Variants in NAA30 observed in about 807,000 individuals in gnomAD.
NAA30 encodes N-alpha-acetyltransferase 30, NatC catalytic subunit.
NAA30 carries 5 observed loss-of-function variants against 31.4 expected under a neutral mutation model. That is an observed-to-expected ratio of 0.16 (90% CI 0.08 to 0.33). NAA30 has a LOEUF of 0.33. Ranked by LOEUF, NAA30 falls within the 10% of genes least tolerant of loss-of-function variation. The probability of loss-of-function intolerance (pLI) is 1.00; values close to 1 mark genes in which losing one functional copy is unlikely to be tolerated. For missense variants in NAA30, 428 were observed against 490.8 expected, an observed-to-expected ratio of 0.87 and a Z score of 1.21; for synonymous variants, 222 against 207.1, an observed-to-expected ratio of 1.07 and a Z score of -0.62.
rs958645545 is a variant in NAA30, at chr14:57,410,461, C to T, written c.*945C>T. Reference sequence around the variant, plus strand: ...GTAAGTTGATATGATTTTATTTAATCAAAATTACTGCTACGCTGCGAAGAA... The same window carrying T: ...GTAAGTTGATATGATTTTATTTAATTAAAATTACTGCTACGCTGCGAAGAA... On this transcript the variant is annotated 3_prime_UTR_variant, in exon 5 of 5. Coordinates refer to ENST00000556492, the MANE Select transcript of NAA30 (RefSeq NM_001011713.3). 1.3e-5 allele frequency: 2 copies of T among 152,566 alleles called. No individual in the cohort carries two copies. The highest frequency in any genetic ancestry group is 2.4e-5 in the African/African-American group (1 of 41,434). The allele number at this position is 152,566 out of a possible 1,614,324, so 9.5% of individuals were successfully genotyped here. A position where few individuals can be genotyped will look rare whatever the true frequency, so the allele number is the denominator to read the frequency against.
At chr14:57,390,811 T>C in intron 1 of NAA30, 106 bp downstream of exon 1, 1 of 595,826 alleles carries the variant, frequency 1.7e-6, no homozygotes. Flanking sequence ...AGCGGGGGGG[T>C]GGCGGGGAAT....
intron 4 of NAA30, among the ~76,000 whole-genome samples, chr14:57,406,448 A>G (rs983762777): frequency 1.7e-4 from 26 of 152,314 alleles, no homozygotes; most frequent in African/African-American, 6.0e-4. Context: ...AGTAGTTACT[A>G]TTAAGCTTTA....
In NAA30 at chr14:57,391,265, G is replaced by C; in HGVS notation, c.308G>C (p.Ser103Thr). 6.2e-7 allele frequency: 1 copy of C among 1,612,078 alleles called. No individual in the cohort carries two copies. Residue 103 changes from serine (S) to threonine (T), a missense_variant, in exon 2 of 5, where the codon AGC becomes ACC. This residue lies in a region of NAA30 where 349 missense variants were observed against 310.4 expected (regional missense o/e 1.12). Coordinates refer to ENST00000556492, the MANE Select transcript of NAA30 (RefSeq NM_001011713.3). The surrounding 1 kb of genome is among the most constrained non-coding windows in gnomAD (Gnocchi z 4.1). Reference protein sequence around the residue: ...RHLRAAASLKSKVLSVAEVAA... With the variant: ...RHLRAAASLKTKVLSVAEVAA... ...CTCCGGGCGGCCGCCTCCCTCAAGA[G>C]CAAGGTCCTGAGCGTAGCAGAGGTG...
chr14:57,391,606 C>A lies in NAA30; in HGVS notation c.649C>A (p.Arg217=). The A allele has an allele frequency of 6.2e-7, 1 of 1,614,206 alleles. No homozygotes were observed. The highest frequency in any genetic ancestry group is 2.2e-5 in the East Asian group (1 of 44,876). Residue 217 remains arginine, a synonymous_variant, in exon 2 of 5, where the codon CGA becomes AGA. Coordinates refer to ENST00000556492, the MANE Select transcript of NAA30 (RefSeq NM_001011713.3). The surrounding 1 kb of genome is among the most constrained non-coding windows in gnomAD (Gnocchi z 4.1). ...PGEDRTIRYV[R]YESELQMPDI... ...GGAGGATCGGACGATACGATATGTC[C>A]GATATGAATCCGAGCTACAAATGCC... is the stretch of plus-strand genomic sequence containing the variant.
In NAA30 at chr14:57,412,959, A is replaced by T. The variant is rs879183541; in HGVS notation, c.*3443A>T. On this transcript the variant is annotated 3_prime_UTR_variant, in exon 5 of 5. Coordinates refer to ENST00000556492, the MANE Select transcript of NAA30 (RefSeq NM_001011713.3). Reference sequence around the variant, plus strand: ...AAAATAACATGAACTTGATTTTTCTAAAAGTACTCAGTCAACTCATATGTC... The same window carrying T: ...AAAATAACATGAACTTGATTTTTCTTAAAGTACTCAGTCAACTCATATGTC... 6.6e-6 allele frequency: 1 copy of T among 152,216 alleles called. No individual in the cohort carries two copies. Among genetic ancestry groups the T allele is most frequent in the Admixed American group, 6.5e-5 (1 of 15,280 alleles). The allele number at this position is 152,216 out of a possible 1,614,324, so 9.4% of individuals were successfully genotyped here. A position where few individuals can be genotyped will look rare whatever the true frequency, so the allele number is the denominator to read the frequency against.
At chr14:57,393,810 G>A (rs1018447356) in intron 2 of NAA30, among the ~76,000 whole-genome samples, 2 of 151,958 alleles carry the variant, frequency 1.3e-5, no homozygotes, top group South Asian at 2.1e-4. Flanking sequence ...ATTTACCGTC[G>A]GAAGGGTAAA....
At chr14:57,393,442 T>A (rs1401816518) in intron 2 of NAA30, among the ~76,000 whole-genome samples, 1 of 152,252 alleles carries the variant, frequency 6.6e-6, no homozygotes, top group African/African-American at 2.4e-5. Flanking sequence ...TCAGGAGGTA[T>A]TAAACAATAA....
intron 2 of NAA30, among the ~76,000 whole-genome samples, chr14:57,394,652 G>A (rs1221620683): frequency 6.6e-6 from 1 of 151,974 alleles, no homozygotes; most frequent in Non-Finnish European, 1.5e-5. Flanking sequence ...CTTGATTTTT[G>A]CTCCTATAGA....
chr14:57,398,880 G>A (rs191065165), intron 3 of NAA30, among the ~76,000 whole-genome samples: 10 of 150,530 alleles, frequency 6.6e-5, no homozygotes, highest in Admixed American at 2.6e-4. Flanking sequence ...CCGGTGATCC[G>A]CCCACCTTGG....
At position 57,409,379 on chromosome 14, in the gene NAA30, G is replaced by A. The variant is rs1303424831; in HGVS notation, c.952G>A (p.Val318Ile). The change falls in exon 5 of 5, where the codon GTT becomes ATT. Residue 318 changes from valine to isoleucine, a missense_variant and splice_region_variant. Physicochemically the swap from Val to Ile is conservative, Grantham distance 29. Transcript: ENST00000556492. Reference sequence around the variant, plus strand: ...TAGTTTTTTTCTCATTTCTTTGAAGGTTGTTTTGGAAACCGAAATAACAAA... The same window carrying A: ...TAGTTTTTTTCTCATTTCTTTGAAGATTGTTTTGGAAACCGAAATAACAAA... The part of the protein sequence containing the change: ...YAMVEGDCDE[V>I]VLETEITNKS... 2 of 1,590,618 alleles carry A rather than the reference G, an allele frequency of 1.3e-6. No homozygotes were observed. The highest frequency in any genetic ancestry group is 1.8e-5 in the Admixed American group (1 of 55,488).
At chr14:57,393,662 A>G (rs909993174) in intron 2 of NAA30, among the ~76,000 whole-genome samples, 3 of 152,254 alleles carry the variant, frequency 2.0e-5, no homozygotes, top group African/African-American at 7.2e-5. Flanking sequence ...TTTTTGATTG[A>G]AAAAAAGTTA....
rs878956218 is a variant in NAA30 at position 57,396,648 on chromosome 14, C to T, written c.772-104C>T. On this transcript the variant is annotated intron_variant, in intron 2 of 4. Coordinates refer to ENST00000556492, the MANE Select transcript of NAA30 (RefSeq NM_001011713.3). ...GTCTTGCAAGAGTTCCCATTATCTT[C>T]CCCCGTCGAAAATGCTTACCAATGG... The T allele has an allele frequency of 7.6e-6, 9 of 1,184,140 alleles. No individual in the cohort carries two copies. In the East Asian group the frequency reaches 1.2e-4, roughly 15 times the overall value. 73.4% of individuals were successfully genotyped at this position (1,184,140 alleles called of 1,614,324 possible).
Position 57,396,857 on chromosome 14 carries a change from T to C in NAA30, c.877T>C (p.Tyr293His). 6.2e-7 allele frequency: 1 copy of C among 1,614,082 alleles called. No individual in the cohort carries two copies. The highest frequency in any genetic ancestry group is 8.5e-7 in the Non-Finnish European group (1 of 1,179,942). ...YIAMLAVDSK[Y>H]RRNGIGTNLV... ...AGCCATGTTAGCCGTGGATTCCAAA[T>C]ACAGGAGAAATGGCATTGGTAAGAA... The change falls in exon 3 of 5, where the codon TAC becomes CAC. Residue 293 changes from tyrosine to histidine, a missense_variant. Physicochemically the swap from Tyr to His is moderately conservative, Grantham distance 83. Coordinates refer to ENST00000556492, the MANE Select transcript of NAA30 (RefSeq NM_001011713.3).
Position 57,396,038 on chromosome 14 carries a change from G to A in NAA30, c.772-714G>A, listed in dbSNP as rs549997572. The stretch of plus-strand genomic sequence containing the variant: ...CACCTAGGCTGGAGTGCAGTGGCAC[G>A]ATCTCAGCTCACTGTAGCCTCTCCC... On this transcript the variant is annotated intron_variant, in intron 2 of 4. Coordinates refer to ENST00000556492, the MANE Select transcript of NAA30 (RefSeq NM_001011713.3). 3.9e-4 allele frequency among the ~76,000 whole-genome samples: 59 copies of A among 152,174 alleles called. 1 individual carries two copies. The highest frequency in any genetic ancestry group is 9.2e-4 in the Admixed American group (14 of 15,280).
rs2066531664 is a variant in NAA30 at position 57,413,264 on chromosome 14, G to A, written c.*3748G>A. ...TCGGATTTTAGTGGAAGGATGAAATGATCTGTTTTAATCATTTAACTGCTA... is the reference window on the plus strand; with the variant it reads ...TCGGATTTTAGTGGAAGGATGAAATAATCTGTTTTAATCATTTAACTGCTA... On this transcript the variant is annotated 3_prime_UTR_variant, in exon 5 of 5. Coordinates refer to ENST00000556492, the MANE Select transcript of NAA30 (RefSeq NM_001011713.3). 6.6e-6 allele frequency: 1 copy of A among 152,234 alleles called. No homozygotes were observed. Among genetic ancestry groups the A allele is most frequent in the South Asian group, 2.1e-4 (1 of 4,806 alleles). The allele number at this position is 152,234 out of a possible 1,614,324, so 9.4% of individuals were successfully genotyped here. A position where few individuals can be genotyped will look rare whatever the true frequency, so the allele number is the denominator to read the frequency against.
At chr14:57,407,393 C>T (rs1285460626) in intron 4 of NAA30, among the ~76,000 whole-genome samples, 1 of 152,098 alleles carries the variant, frequency 6.6e-6, no homozygotes, top group Non-Finnish European at 1.5e-5. Context: ...AGATGACATA[C>T]CACTCATCAA....
At chr14:57,394,998 G>GTA (rs1445393461) in intron 2 of NAA30, among the ~76,000 whole-genome samples, 2 of 152,048 alleles carry the variant, frequency 1.3e-5, no homozygotes, top group Non-Finnish European at 2.9e-5. Flanking sequence ...ATACGTGTCT[G>GTA]TATATACGCA....
At position 57,396,762 on chromosome 14, in the gene NAA30, G is replaced by T; in HGVS notation, c.782G>T (p.Gly261Val). The change falls in exon 3 of 5, where the codon GGG becomes GTG. Residue 261 changes from glycine (G) to valine (V), a missense_variant. Gly to Val is a moderately radical substitution (Grantham distance 109). Around this residue, in one of 2 missense-constraint regions of NAA30, gnomAD observed 79 missense variants for 180.3 expected, o/e 0.44. Transcript: ENST00000556492. ...WPQLCFLAMV[G>V]EECVGAIVCK... is the part of the protein sequence containing the mutation. ...TTGTTTATTTTTAAGGCCATGGTAG[G>T]GGAGGAGTGTGTAGGTGCCATCGTT... The T allele has an allele frequency of 6.2e-7, 1 of 1,614,062 alleles. No homozygotes were observed. The highest frequency in any genetic ancestry group is 8.5e-7 in the Non-Finnish European group (1 of 1,179,916).
At position 57,391,131 on chromosome 14, in the gene NAA30, C is replaced by T. The variant is rs772531164; in HGVS notation, c.174C>T (p.Gly58=). The change falls in exon 2 of 5, where the codon GGC becomes GGT. Residue 58 remains glycine, a synonymous_variant. Transcript: ENST00000556492. This position sits in a 1 kb window ranked among gnomAD's most constrained non-coding sequence, Gnocchi z 4.1. ...HEGGGSRSPA[G]GESATVAAKG... The stretch of plus-strand genomic sequence containing the variant: ...GCGGCGGCAGCAGGAGCCCGGCGGG[C>T]GGAGAGTCGGCGACGGTGGCGGCCA... 2 of 1,577,146 alleles carry T rather than the reference C, an allele frequency of 1.3e-6. No homozygotes were observed. Among genetic ancestry groups the T allele is most frequent in the African/African-American group, 1.4e-5 (1 of 73,744 alleles).
Sources: gnomAD v4.1 joint callset for allele counts (sites outside exome capture counted in the v4.1 genomes callset) on GRCh38, gnomAD v4.1.1 for gene constraint, gnomAD v4.1.1 regional missense constraint, Gnocchi (gnomAD v3.1) non-coding constraint, MANE v1.5 for transcripts, NCBI Gene and HGNC (gene_info 2026-07-23, HGNC 2026-07-21) for gene names.